Variants in DPP10 observed in about 807,000 individuals in gnomAD.
The protein encoded by DPP10 is inactive dipeptidyl peptidase 10.
In DPP10, 33 loss-of-function variants were observed where a neutral mutation model predicts 120.9. The ratio of observed to expected loss-of-function variants is 0.27; its 90% CI spans 0.21 to 0.37. The LOEUF (loss-of-function observed/expected upper bound fraction) is 0.37, where lower values mean the gene tolerates loss of function less well. DPP10 is among the 10% of genes least tolerant of loss of function. The pLI, the probability that DPP10 is intolerant of heterozygous loss-of-function variation, is 1.00. For missense variants in DPP10, 816 were observed against 942.8 expected, an observed-to-expected ratio of 0.87 and a Z score of 1.76; for synonymous variants, 337 against 326.1, an observed-to-expected ratio of 1.03 and a Z score of -0.36.
chr2:115,549,524 A>C (rs923364215), intron 5 of DPP10, among the ~76,000 whole-genome samples: 40 of 151,124 alleles, frequency 2.6e-4, no homozygotes, highest in African/African-American at 9.5e-4. Context: ...CTCTTTTACC[A>C]CTCCTTTGGT....
chr2:115,740,326 C>T (rs957585853), intron 9 of DPP10, among the ~76,000 whole-genome samples: 8 of 151,996 alleles, frequency 5.3e-5, no homozygotes, highest in African/African-American at 1.9e-4. Context: ...TTTCTTAGAG[C>T]ACTTAATGTG....
intron 1 of DPP10, among the ~76,000 whole-genome samples, chr2:114,931,227 G>A (rs1233873654): frequency 6.6e-6 from 1 of 152,160 alleles, no homozygotes; most frequent in Non-Finnish European, 1.5e-5. Flanking sequence ...TGTTATAAAG[G>A]AATACCTGAA....
At chr2:114,520,973 C>T (rs949543695) in intron 1 of DPP10, among the ~76,000 whole-genome samples, 16 of 152,068 alleles carry the variant, frequency 1.1e-4, no homozygotes, top group African/African-American at 3.4e-4. Flanking sequence ...ATTCTGTCCC[C>T]GATTCTTGGG....
intron 3 of DPP10, among the ~76,000 whole-genome samples, chr2:115,379,181 C>T (rs936853434): frequency 3.3e-4 from 50 of 152,162 alleles, no homozygotes; most frequent in Non-Finnish European, 5.9e-4. Context: ...CCATCTGGTC[C>T]TGGACTTTTT....
rs371499376 is a variant in DPP10 at position 115,343,783 on chromosome 2, A to G, written c.176-34A>G. The G allele has an allele frequency of 4.7e-6, 7 of 1,482,526 alleles. No individual in the cohort carries two copies. The South Asian group carries it at 8.4e-5, about 18-fold the overall frequency. 91.8% of individuals were successfully genotyped at this position (1,482,526 alleles called of 1,614,324 possible). A position where few individuals can be genotyped will look rare whatever the true frequency, so the allele number is the denominator to read the frequency against. ...GCTCCTTTTAAAAAACAAGCATAAG[A>G]TAGGCATCTAACCTAGAATTTCCTT... On this transcript the variant is annotated intron_variant, in intron 2 of 25. Coordinates refer to ENST00000410059, the MANE Select transcript of DPP10 (RefSeq NM_020868.6).
At chr2:114,971,834 A>G (rs918113971) in intron 1 of DPP10, among the ~76,000 whole-genome samples, 1 of 152,176 alleles carries the variant, frequency 6.6e-6, no homozygotes, top group African/African-American at 2.4e-5. Context: ...TTATCTTTAT[A>G]TCTGTTTTTT....
chr2:115,087,618 A>G (rs1272937907), intron 1 of DPP10, among the ~76,000 whole-genome samples: 1 of 137,430 alleles, frequency 7.3e-6, no homozygotes, highest in Non-Finnish European at 1.6e-5. Context: ...AATTGGCCCA[A>G]TCTCGGCTCA....
intron 2 of DPP10, among the ~76,000 whole-genome samples, chr2:115,317,224 C>T (rs1038149978): frequency 1.3e-5 from 2 of 149,852 alleles, no homozygotes; most frequent in Non-Finnish European, 2.9e-5. Context: ...CTGGCAATCA[C>T]CAATCTACTT....
intron 1 of DPP10, chr2:115,297,318 C>T: frequency 2.7e-6 from 1 of 365,660 alleles, no homozygotes; most frequent in Non-Finnish European, 5.6e-6. Flanking sequence ...TAATGGGCAG[C>T]CCAGGTGGGC....
chr2:115,235,039 A>C (rs1002137286), intron 1 of DPP10, among the ~76,000 whole-genome samples: 2 of 152,156 alleles, frequency 1.3e-5, no homozygotes, highest in African/African-American at 4.8e-5. Flanking sequence ...CTCATTTAAC[A>C]TGAAAATGCT....
At chr2:115,173,782 A>T (rs2053524136) in intron 1 of DPP10, among the ~76,000 whole-genome samples, 1 of 152,132 alleles carries the variant, frequency 6.6e-6, no homozygotes, top group East Asian at 1.9e-4. Flanking sequence ...CCCCTTTAAG[A>T]TGTACATATA....
At chr2:115,658,677 T>C (rs1380718061) in intron 5 of DPP10, among the ~76,000 whole-genome samples, 2 of 152,252 alleles carry the variant, frequency 1.3e-5, no homozygotes, top group African/African-American at 4.8e-5. Context: ...TAAAGATAAC[T>C]GAAGAAGGCA....
chr2:115,415,879 A>ATATATG (rs1193942986), intron 3 of DPP10, among the ~76,000 whole-genome samples: 8 of 114,708 alleles, frequency 7.0e-5, no homozygotes, highest in African/African-American at 1.9e-4. Flanking sequence ...ATATATATGC[A>ATATATG]CACACACACA....
chr2:114,928,901 T>C (rs1193957875), intron 1 of DPP10, among the ~76,000 whole-genome samples: 1 of 152,210 alleles, frequency 6.6e-6, no homozygotes, highest in Non-Finnish European at 1.5e-5. Context: ...CTCTTTGAGC[T>C]ACATCTGGAG....
intron 1 of DPP10, among the ~76,000 whole-genome samples, chr2:115,030,183 T>A (rs1032814915): frequency 6.6e-6 from 1 of 152,190 alleles, no homozygotes; most frequent in African/African-American, 2.4e-5. Flanking sequence ...TTTTTTTTTT[T>A]TTATTTCTCA....
intron 19 of DPP10, among the ~76,000 whole-genome samples, chr2:115,794,642 T>C (rs1223201398): frequency 1.3e-5 from 2 of 152,148 alleles, no homozygotes; most frequent in South Asian, 4.1e-4. Context: ...GAGTTTGCTG[T>C]GGTCTCTACG....
intron 5 of DPP10, among the ~76,000 whole-genome samples, chr2:115,606,555 T>A (rs991088662): frequency 6.6e-6 from 1 of 152,172 alleles, no homozygotes; most frequent in Non-Finnish European, 1.5e-5. Context: ...CAGCTACTTA[T>A]AAACACTTGG....
intron 1 of DPP10, among the ~76,000 whole-genome samples, chr2:115,157,203 G>A (rs910760470): frequency 6.6e-5 from 10 of 151,060 alleles, no homozygotes; most frequent in Admixed American, 1.3e-4. Context: ...TGACACAGAA[G>A]GGCGGTGGGG....
At chr2:115,053,831 A>G (rs902647912) in intron 1 of DPP10, among the ~76,000 whole-genome samples, 2 of 152,210 alleles carry the variant, frequency 1.3e-5, no homozygotes, top group Admixed American at 6.5e-5. Flanking sequence ...AGTCTAGTAC[A>G]GTACATTTTT....
Sources: allele counts gnomAD v4.1 joint callset (sites outside exome capture counted in the v4.1 genomes callset), GRCh38; gene constraint gnomAD v4.1.1; transcripts MANE v1.5; gene names NCBI Gene and HGNC (gene_info 2026-07-23, HGNC 2026-07-21).